APPL1: variants seen among roughly 807,000 people sequenced by gnomAD.
The protein encoded by APPL1 is adaptor protein, phosphotyrosine interacting with PH domain and leucine zipper 1.
Under a neutral mutation model 106.8 loss-of-function variants are expected in APPL1, and 42 were observed. The observed-to-expected ratio is 0.39, with a 90% CI of 0.31 to 0.51. The LOEUF is 0.51. Among genes scored for constraint, APPL1 ranks in the 20% least tolerant of loss-of-function variants. The pLI is 0.75. For synonymous variants in APPL1, 263 were observed against 281.8 expected (o/e 0.93, Z 0.67); for missense variants, 769 against 858.2 (o/e 0.90, Z 1.30).
rs1361004290 is a variant in APPL1 at position 57,273,163 on chromosome 3, G to GTAAC, written c.*3480_*3483dup. On this transcript the variant is annotated 3_prime_UTR_variant, in exon 22 of 22. Transcript: ENST00000288266. ...TTAATATGAGACTGGGGGTTAAGTT[G>GTAAC]TAACTAATATGCAAAATTGCTTTGT... 1.3e-5 allele frequency: 2 copies of GTAAC among 152,610 alleles called. No homozygotes were observed. The highest frequency in any genetic ancestry group is 1.9e-4 in the East Asian group (1 of 5,200). The allele number at this position is 152,610 out of a possible 1,614,324, so 9.5% of individuals were successfully genotyped here.
At chr3:57,269,381 T>G in intron 21 of APPL1, 160 bp from the exon 22 acceptor site, 1 of 602,616 alleles carries the variant, frequency 1.7e-6, no homozygotes, top group Non-Finnish European at 2.7e-6. Flanking sequence ...CATTTTGGTG[T>G]TGTATTGTTT....
chr3:57,266,910 T>G (rs1161790436), intron 19 of APPL1, among the ~76,000 whole-genome samples: 3 of 152,188 alleles, frequency 2.0e-5, no homozygotes, highest in Non-Finnish European at 4.4e-5. Context: ...TGTAAACAAG[T>G]GGCTTCGTTC....
In APPL1 at chr3:57,247,443, G is replaced by T. The variant is rs746737315; in HGVS notation, c.670G>T (p.Glu224Ter). 1.2e-6 allele frequency: 2 copies of T among 1,611,164 alleles called. No homozygotes were observed. Among genetic ancestry groups the T allele is most frequent in the African/African-American group, 1.3e-5 (1 of 74,832 alleles). Residue 224 changes from glutamate (E) to a stop codon, truncating the protein, a stop_gained, in exon 9 of 22, where the codon GAA becomes TAA. Coordinates refer to ENST00000288266, the MANE Select transcript of APPL1 (RefSeq NM_012096.3). LOFTEE classifies it high-confidence loss of function. ...GSENLNEQLE[E>*]FLANIGTSVQ... ...TGAAAATCTTAATGAACAACTGGAA[G>T]AATTTTTAGCTAATATTGGAACAAG...
rs375312101 is a variant in APPL1, at chr3:57,246,425, C to T, written c.621+203C>T. Among the ~76,000 whole-genome samples the T allele has an allele frequency of 2.6e-5, 4 of 152,098 alleles. No homozygotes were observed. In the East Asian group the frequency reaches 5.8e-4, roughly 22 times the overall value. On this transcript the variant is annotated intron_variant, in intron 8 of 21. Coordinates refer to ENST00000288266, the MANE Select transcript of APPL1 (RefSeq NM_012096.3). ...TGGTTTTCCTTGCAAATGAAGATTTCAAATATTTTAGGTAAATGAAACCAC... is the reference window on the plus strand; with the variant it reads ...TGGTTTTCCTTGCAAATGAAGATTTTAAATATTTTAGGTAAATGAAACCAC...
At position 57,248,376 on chromosome 3, in the gene APPL1, T is replaced by C. The variant is rs1394738685; in HGVS notation, c.863+25T>C. 3.7e-6 allele frequency: 6 copies of C among 1,605,772 alleles called. No individual in the cohort carries two copies. In the Admixed American group the frequency reaches 5.1e-5, roughly 14 times the overall value. On this transcript the variant is annotated intron_variant, in intron 10 of 21. Transcript: ENST00000288266. ...AGTAAGAAAACTATTGTTATTTTTG[T>C]ATATTGTGTATCATGTAAGACAATA... is the stretch of plus-strand genomic sequence containing the variant.
At chr3:57,264,937 T>G (rs979166292) in intron 19 of APPL1, among the ~76,000 whole-genome samples, 3 of 152,134 alleles carry the variant, frequency 2.0e-5, no homozygotes, top group African/African-American at 7.2e-5. Context: ...TCTGAATCTT[T>G]TATGATTCCA....
chr3:57,239,885 A>G (rs1455074424), intron 4 of APPL1, among the ~76,000 whole-genome samples: 2 of 152,162 alleles, frequency 1.3e-5, no homozygotes, highest in African/African-American at 4.8e-5. Flanking sequence ...TTTAAAAATT[A>G]TGGCCATCTG....
At chr3:57,249,307 A>G (rs2107603518) in intron 10 of APPL1, 53 bp from the exon 11 acceptor site, 1 of 1,591,704 alleles carries the variant, frequency 6.3e-7, no homozygotes, top group Non-Finnish European at 8.6e-7. Context: ...CTAGCTGATG[A>G]TGAGATTTCA....
intron 16 of APPL1, 33 bp from the exon 17 acceptor site, chr3:57,259,812 A>T: frequency 6.8e-7 from 1 of 1,474,010 alleles, no homozygotes; most frequent in African/African-American, 1.4e-5. Flanking sequence ...TACAGTAAAA[A>T]AAAAATATGT....
intron 16 of APPL1, 28 bp from the exon 17 acceptor site, chr3:57,259,817 A>T (rs1559513138): frequency 1.4e-6 from 2 of 1,478,950 alleles, no homozygotes; most frequent in Non-Finnish European, 1.8e-6. Context: ...TAAAAAAAAA[A>T]TATGTAATAC....
At chr3:57,246,990 C>CAAA (rs56949619) in intron 8 of APPL1, among the ~76,000 whole-genome samples, 4 of 97,838 alleles carry the variant, frequency 4.1e-5, no homozygotes, top group Non-Finnish European at 4.1e-5. Context: ...GACCCTGTCT[C>CAAA]AAAAAAAAAA....
chr3:57,229,078 G>A (rs529257153), intron 1 of APPL1, among the ~76,000 whole-genome samples: 4 of 152,192 alleles, frequency 2.6e-5, no homozygotes, highest in Non-Finnish European at 4.4e-5. Flanking sequence ...TCACAGGCCA[G>A]TTGCCTGCTG....
At chr3:57,250,809 T>TC (rs1218181871) in intron 11 of APPL1, among the ~76,000 whole-genome samples, 1 of 142,806 alleles carries the variant, frequency 7.0e-6, no homozygotes, top group Non-Finnish European at 1.5e-5. Context: ...TCTTTCTTTT[T>TC]TTTTTTTTTT....
At chr3:57,267,951 G>A (rs1054314716) in intron 20 of APPL1, 159 bp downstream of exon 20, 2 of 705,620 alleles carry the variant, frequency 2.8e-6, no homozygotes, top group East Asian at 2.8e-5. Context: ...AATTAGTTGG[G>A]TGTGGTGTCG....
chr3:57,230,164 C>G (rs1289450458), intron 1 of APPL1, among the ~76,000 whole-genome samples: 4 of 152,152 alleles, frequency 2.6e-5, no homozygotes, highest in African/African-American at 7.2e-5. Context: ...ATTCTTAGGT[C>G]GAACCTGTGG....
rs370028057 is a variant in APPL1 at position 57,257,221 on chromosome 3, C to G, written c.1248-25C>G. On this transcript the variant is annotated intron_variant, in intron 14 of 21. Coordinates refer to ENST00000288266, the MANE Select transcript of APPL1 (RefSeq NM_012096.3). ...AATATCCAAAAGGGAAAATTAAATG[C>G]AATGCCTTCTTGTTTTATGCTTAGA... 1.3e-5 allele frequency: 20 copies of G among 1,591,610 alleles called. No homozygotes were observed. In the East Asian group the frequency reaches 1.8e-4, roughly 14 times the overall value.
At chr3:57,252,346 T>C in intron 12 of APPL1, 35 bp downstream of exon 12, 1 of 1,472,466 alleles carries the variant, frequency 6.8e-7, no homozygotes. Context: ...TTCATTGACA[T>C]TTTAAAATAT....
intron 12 of APPL1, among the ~76,000 whole-genome samples, chr3:57,252,734 T>G (rs1559511328): frequency 6.6e-6 from 1 of 152,154 alleles, no homozygotes; most frequent in Non-Finnish European, 1.5e-5. Flanking sequence ...AAATGAAAGA[T>G]AGAAAAACAA....
At chr3:57,249,297 C>G (rs2060790833) in intron 10 of APPL1, 63 bp from the exon 11 acceptor site, 1 of 1,562,264 alleles carries the variant, frequency 6.4e-7, no homozygotes, top group Non-Finnish European at 8.8e-7. Flanking sequence ...TATCTTGTGT[C>G]TAGCTGATGA....
Sources: gnomAD v4.1 joint callset for allele counts (sites outside exome capture counted in the v4.1 genomes callset) on GRCh38, gnomAD v4.1.1 for gene constraint, MANE v1.5 for transcripts, NCBI Gene and HGNC (gene_info 2026-07-23, HGNC 2026-07-21) for gene names.